TTC27: variants seen among roughly 807,000 people sequenced by gnomAD.
The protein encoded by TTC27 is tetratricopeptide repeat protein 27.
Under a neutral mutation model 115.9 loss-of-function variants are expected in TTC27, and 79 were observed. That is an observed-to-expected ratio of 0.68 (90% CI 0.57 to 0.82). TTC27 has a LOEUF of 0.82. Among genes scored for constraint, TTC27 ranks in the 40% least tolerant of loss-of-function variants. The pLI is 0.00. For missense variants in TTC27, 1,054 were observed against 993.1 expected, an observed-to-expected ratio of 1.06 and a Z score of -0.82; for synonymous variants, 401 against 356.0, an observed-to-expected ratio of 1.13 and a Z score of -1.42.
intron 8 of TTC27, among the ~76,000 whole-genome samples, chr2:32,676,411 T>C (rs1666206466): frequency 6.6e-6 from 1 of 152,066 alleles, no homozygotes; most frequent in Admixed American, 6.6e-5. Flanking sequence ...AAACAATTTA[T>C]GGTCATTATA....
In TTC27 at chr2:32,782,256, A is replaced by T. The variant is rs60918175; in HGVS notation, c.1780-370A>T. 7.3e-3 allele frequency among the ~76,000 whole-genome samples: 1,112 copies of T among 152,336 alleles called. 13 individuals are homozygous for T. Among genetic ancestry groups the T allele is most frequent in the African/African-American group, 0.026 (1,061 of 41,580 alleles). ...CTATCCGGTGAAGAAGGATGACAGT[A>T]TAATGGCAAAAATTTTTAAGATAGG... On this transcript the variant is annotated intron_variant, in intron 14 of 19. Transcript: ENST00000317907.
intron 6 of TTC27, among the ~76,000 whole-genome samples, chr2:32,665,240 T>C (rs1665728038): frequency 6.6e-6 from 1 of 152,184 alleles, no homozygotes; most frequent in Non-Finnish European, 1.5e-5. Context: ...TCTTGGATCT[T>C]AGCTACCTTT....
chr2:32,783,167 T>A (rs1670238904), intron 15 of TTC27, among the ~76,000 whole-genome samples: 1 of 152,182 alleles, frequency 6.6e-6, no homozygotes, highest in South Asian at 2.1e-4. Flanking sequence ...CAAATGAGAA[T>A]ATAAAGAGGG....
chr2:32,633,454 C>G (rs1664290657), intron 2 of TTC27, among the ~76,000 whole-genome samples: 1 of 151,916 alleles, frequency 6.6e-6, no homozygotes. Flanking sequence ...GCTTTATCAT[C>G]TAGGCTGGAG....
Position 32,788,542 on chromosome 2 carries a change from C to T in TTC27, c.1998+1393C>T, listed in dbSNP as rs188376372. On this transcript the variant is annotated intron_variant, in intron 16 of 19. Transcript: ENST00000317907. ...TTGTCTTAGAATTGGCTTCCTTGGTCAGTCTGATCCTGTTAATCTTCTGTC... is the reference window on the plus strand; with the variant it reads ...TTGTCTTAGAATTGGCTTCCTTGGTTAGTCTGATCCTGTTAATCTTCTGTC... Among the ~76,000 whole-genome samples the T allele has an allele frequency of 2.8e-4, 42 of 152,300 alleles. 1 individual carries two copies. The East Asian group carries it at 7.5e-3, about 27-fold the overall frequency.
intron 4 of TTC27, among the ~76,000 whole-genome samples, chr2:32,646,130 G>A (rs984391613): frequency 1.3e-5 from 2 of 151,808 alleles, no homozygotes; most frequent in East Asian, 1.9e-4. Context: ...CTGGGTTCAC[G>A]CGATTCTCCT....
chr2:32,651,288 ACT>A (rs1300761029), intron 5 of TTC27, among the ~76,000 whole-genome samples: 2 of 151,964 alleles, frequency 1.3e-5, no homozygotes, highest in African/African-American at 2.4e-5. Context: ...GTATAACATA[ACT>A]CTCATGTGTG....
At chr2:32,661,454 G>GT (rs1665545339) in intron 5 of TTC27, among the ~76,000 whole-genome samples, 1 of 152,084 alleles carries the variant, frequency 6.6e-6, no homozygotes. Flanking sequence ...TTGAGCAGTG[G>GT]TTTGTAGTTC....
At chr2:32,636,924 C>T (rs983832981) in intron 3 of TTC27, among the ~76,000 whole-genome samples, 2 of 152,110 alleles carry the variant, frequency 1.3e-5, no homozygotes, top group African/African-American at 4.8e-5. Flanking sequence ...GAGGAGAGGA[C>T]AGCATAGTGT....
intron 10 of TTC27, among the ~76,000 whole-genome samples, chr2:32,703,446 G>A (rs1667260285): frequency 6.6e-6 from 1 of 152,148 alleles, no homozygotes; most frequent in Non-Finnish European, 1.5e-5. Context: ...CAGTCTGGGC[G>A]ACAAGAGCAA....
At chr2:32,640,533 A>G (rs1664603587) in intron 4 of TTC27, 123 bp downstream of exon 4, 1 of 1,029,870 alleles carries the variant, frequency 9.7e-7, no homozygotes, top group Non-Finnish European at 1.4e-6. Context: ...CTAGGTATGT[A>G]ATTTAAAAAT....
chr2:32,721,805 T>G (rs1667941535), intron 10 of TTC27, among the ~76,000 whole-genome samples: 1 of 152,080 alleles, frequency 6.6e-6, no homozygotes, highest in Non-Finnish European at 1.5e-5. Context: ...CCTGGCTAAT[T>G]TTTTCATTTT....
intron 12 of TTC27, among the ~76,000 whole-genome samples, chr2:32,743,262 T>C (rs1218601133): frequency 6.6e-6 from 1 of 152,160 alleles, no homozygotes; most frequent in Admixed American, 6.5e-5. Flanking sequence ...TTCACAAAGT[T>C]AAGGCACAGA....
intron 15 of TTC27, among the ~76,000 whole-genome samples, chr2:32,785,385 G>T (rs3820917): frequency 0.28 from 42,024 of 151,648 alleles, 6,075 homozygotes; most frequent in South Asian, 0.49. Flanking sequence ...TTTTATCTTT[G>T]GATATAAAGA....
intron 3 of TTC27, among the ~76,000 whole-genome samples, chr2:32,638,225 A>G (rs989755957): frequency 2.6e-5 from 4 of 152,082 alleles, no homozygotes; most frequent in African/African-American, 9.7e-5. Context: ...TTTTTTTTAA[A>G]TAATTCCTTG....
intron 16 of TTC27, among the ~76,000 whole-genome samples, chr2:32,789,576 T>C (rs952931658): frequency 6.6e-6 from 1 of 152,108 alleles, no homozygotes; most frequent in Non-Finnish European, 1.5e-5. Flanking sequence ...TGATTTGCCC[T>C]GTTGGATGCC....
intron 9 of TTC27, among the ~76,000 whole-genome samples, chr2:32,696,583 C>G (rs1214019248): frequency 2.0e-5 from 3 of 152,086 alleles, no homozygotes; most frequent in Non-Finnish European, 2.9e-5. Context: ...CATGAGCCAC[C>G]ACGCCCAGCC....
chr2:32,682,365 G>T (rs1666461239), intron 9 of TTC27, among the ~76,000 whole-genome samples: 1 of 152,136 alleles, frequency 6.6e-6, no homozygotes, highest in South Asian at 2.1e-4. Flanking sequence ...GGATCATATT[G>T]CAGAACATCT....
rs147143799 is a variant in TTC27 at position 32,644,010 on chromosome 2, G to A, written c.537+3600G>A. Reference sequence around the variant, plus strand: ...AAACTGGCCAACACAGTGAAACCCCGTTTCTATTAAAAATACAAAAGTTAG... The same window carrying A: ...AAACTGGCCAACACAGTGAAACCCCATTTCTATTAAAAATACAAAAGTTAG... On this transcript the variant is annotated intron_variant, in intron 4 of 19. Coordinates refer to ENST00000317907, the MANE Select transcript of TTC27 (RefSeq NM_017735.5). Among the ~76,000 whole-genome samples, 165 of 151,852 alleles carry A rather than the reference G, an allele frequency of 1.1e-3. 1 individual carries two copies. Among genetic ancestry groups the A allele is most frequent in the African/African-American group, 3.5e-3 (143 of 41,432 alleles).
Sources: allele counts gnomAD v4.1 joint callset (sites outside exome capture counted in the v4.1 genomes callset), GRCh38; gene constraint gnomAD v4.1.1; transcripts MANE v1.5; gene names NCBI Gene and HGNC (gene_info 2026-07-23, HGNC 2026-07-21).